SLC30A10: variants seen among roughly 807,000 people sequenced by gnomAD.
SLC30A10 encodes the protein calcium/manganese antiporter SLC30A10.
Under a neutral mutation model 21.7 loss-of-function variants are expected in SLC30A10, and 8 were observed. The ratio of observed to expected loss-of-function variants is 0.37; its 90% confidence interval spans 0.22 to 0.67. The LOEUF (loss-of-function observed/expected upper bound fraction) is 0.67. SLC30A10 is among the 30% of genes least tolerant of loss of function. The probability of loss-of-function intolerance (pLI) is 0.58; values close to 1 mark genes in which losing one functional copy is unlikely to be tolerated. For missense variants in SLC30A10, 521 were observed against 642.5 expected, an observed-to-expected ratio of 0.81 and a Z score of 2.04; for synonymous variants, 272 against 279.4, an observed-to-expected ratio of 0.97 and a Z score of 0.26.
At chr1:219,943,158 G>A (rs764033308) in intron 1 of SLC30A10, among the ~76,000 whole-genome samples, 15 of 152,118 alleles carry the variant, frequency 9.9e-5, no homozygotes, top group Admixed American at 2.6e-4. Flanking sequence ...TGCAGATGTT[G>A]AGAATACCAG....
At chr1:219,939,077 C>T (rs1241938800) in intron 1 of SLC30A10, among the ~76,000 whole-genome samples, 4 of 152,116 alleles carry the variant, frequency 2.6e-5, no homozygotes, top group Non-Finnish European at 4.4e-5. Context: ...AAACAACAGG[C>T]AGACTAAGTT....
chr1:219,928,698 T>G, upstream of SLC30A10: 1 of 409,690 alleles, frequency 2.4e-6, no homozygotes, highest in Non-Finnish European at 4.3e-6. The surrounding 1 kb of genome is among the most constrained non-coding windows in gnomAD (Gnocchi z 6.3). Context: ...TTCCCCTCCC[T>G]CGCGGCCTGG....
chr1:219,933,605 AAGGT>A (rs961450922), upstream of SLC30A10, among the ~76,000 whole-genome samples: 33 of 152,316 alleles, frequency 2.2e-4, no homozygotes, highest in African/African-American at 7.9e-4. Context: ...TAAGTGGGAA[AAGGT>A]ATATAAATTG....
chr1:219,927,853 G>C lies in SLC30A10; in HGVS notation c.588C>G (p.Thr196=). Residue 196 remains threonine (T), a synonymous_variant, in exon 1 of 4, where the codon ACC becomes ACG. Coordinates refer to ENST00000366926, the MANE Select transcript of SLC30A10 (RefSeq NM_018713.3). The part of the protein sequence containing the change: ...GSDSAVTLRG[T]SVERKREKGA... ...CCTTCTCCCGCTTCCTTTCCACCGAGGTCCCCCGGAGGGTTACGGCCGAGT... is the reference window on the plus strand; with the variant it reads ...CCTTCTCCCGCTTCCTTTCCACCGACGTCCCCCGGAGGGTTACGGCCGAGT... 1 of 1,547,032 alleles carries C rather than the reference G, an allele frequency of 6.5e-7. No homozygotes were observed. Among genetic ancestry groups the C allele is most frequent in the African/African-American group, 1.4e-5 (1 of 71,084 alleles).
intron 2 of SLC30A10, among the ~76,000 whole-genome samples, chr1:219,921,174 GC>G (rs1333417324): frequency 1.3e-5 from 2 of 152,166 alleles, no homozygotes; most frequent in Non-Finnish European, 2.9e-5. Flanking sequence ...CAAGAATTTA[GC>G]TTTTAACTTT....
chr1:219,954,870 G>A lies in SLC30A10; in HGVS notation n.80+3698C>T, dbSNP rs149195883. ...GAGCAGAAGCCATCCTACTAGAAAA[G>A]TGAGCTGTACAAGGTCACCTTTAGG... On this transcript the variant is annotated intron_variant and non_coding_transcript_variant, in intron 1 of 8. Transcript: ENST00000484239. 2.6e-3 allele frequency among the ~76,000 whole-genome samples: 388 copies of A among 152,114 alleles called. 1 individual carries two copies. The highest frequency in any genetic ancestry group is 9.1e-3 in the African/African-American group (379 of 41,494).
chr1:219,911,149 G>GTTTTTTTTTTTTTT lies in SLC30A10; in HGVS notation c.*4286_*4299dup. 4.9e-4 allele frequency among the ~76,000 whole-genome samples: 24 copies of GTTTTTTTTTTTTTT among 49,408 alleles called. 1 individual carries two copies. Among genetic ancestry groups the GTTTTTTTTTTTTTT allele is most frequent in the African/African-American group, 1.1e-3 (19 of 17,168 alleles). The allele number at this position is 49,408 out of a possible 152,430, so 32.4% of individuals were successfully genotyped here. ...ATGTTTCTTCATTTTTTCTACATCA[G>GTTTTTTTTTTTTTT]TTTTTTTTTTTTTTTTTTTTTTTTT... On this transcript the variant is annotated 3_prime_UTR_variant, in exon 4 of 4. Transcript: ENST00000366926.
intron 2 of SLC30A10, among the ~76,000 whole-genome samples, chr1:219,924,130 A>C (rs1198441577): frequency 1.3e-5 from 2 of 152,248 alleles, no homozygotes; most frequent in Non-Finnish European, 2.9e-5. Flanking sequence ...GAAACAGTAA[A>C]GAAAGTGAAG....
At chr1:219,940,294 C>T (rs1660104577) in intron 1 of SLC30A10, among the ~76,000 whole-genome samples, 1 of 152,188 alleles carries the variant, frequency 6.6e-6, no homozygotes, top group African/African-American at 2.4e-5. Context: ...ACATTGAGAC[C>T]TTCCAGCCCG....
chr1:219,939,519 C>A (rs578195705), intron 1 of SLC30A10, among the ~76,000 whole-genome samples: 2 of 152,182 alleles, frequency 1.3e-5, no homozygotes, highest in African/African-American at 2.4e-5. Context: ...ACCTCCACCC[C>A]CCCAGGTTCA....
intron 2 of SLC30A10, among the ~76,000 whole-genome samples, chr1:219,923,576 T>C (rs1437974109): frequency 1.3e-5 from 2 of 152,240 alleles, no homozygotes; most frequent in African/African-American, 4.8e-5. Context: ...GATGTCAAGA[T>C]GGCTATTCAT....
rs1659607007 is a variant in SLC30A10, at chr1:219,918,706, G to C, written c.719-212C>G. ...ACCATCGCAGGACTCAGAGTACCTTGGAAGAGCAACAGCCTAGGAAGATTC... is the reference window on the plus strand; with the variant it reads ...ACCATCGCAGGACTCAGAGTACCTTCGAAGAGCAACAGCCTAGGAAGATTC... On this transcript the variant is annotated intron_variant, in intron 2 of 3. Transcript: ENST00000366926. This position sits in a 1 kb window ranked among gnomAD's most constrained non-coding sequence, Gnocchi z 4.4. 2 of 494,626 alleles carry C rather than the reference G, an allele frequency of 4.0e-6. No homozygotes were observed. Among genetic ancestry groups the C allele is most frequent in the Admixed American group, 7.8e-5 (2 of 25,644 alleles). 30.6% of individuals were successfully genotyped at this position (494,626 alleles called of 1,614,324 possible). A position where few individuals can be genotyped will look rare whatever the true frequency, so the allele number is the denominator to read the frequency against.
At chr1:219,926,925 T>G (rs921868098) in intron 2 of SLC30A10, 103 bp downstream of exon 2, 5 of 902,848 alleles carry the variant, frequency 5.5e-6, no homozygotes, top group Non-Finnish European at 7.1e-6. Flanking sequence ...ACTGGCCTAC[T>G]TTCAAACACA....
intron 2 of SLC30A10, among the ~76,000 whole-genome samples, chr1:219,922,187 T>G (rs1237793239): frequency 0.071 from 827 of 11,572 alleles, 45 homozygotes; most frequent in East Asian, 0.13. Context: ...TTTTTTTTTT[T>G]TTTTTTTTTT....
chr1:219,925,587 C>A (rs138775009), intron 2 of SLC30A10, among the ~76,000 whole-genome samples: 2 of 144,190 alleles, frequency 1.4e-5, no homozygotes, highest in Admixed American at 1.4e-4. Context: ...AAAGTTAAAG[C>A]CTCTGATGGT....
intron 3 of SLC30A10, among the ~76,000 whole-genome samples, chr1:219,917,766 A>C (rs1233962954): frequency 7.7e-6 from 1 of 129,910 alleles, no homozygotes; most frequent in Non-Finnish European, 1.5e-5. Context: ...CCTGGAGTGC[A>C]GTGGTGCAAT....
At chr1:219,952,219 G>A (rs1047787925) in intron 1 of SLC30A10, among the ~76,000 whole-genome samples, 5 of 152,098 alleles carry the variant, frequency 3.3e-5, no homozygotes, top group African/African-American at 1.2e-4. Context: ...TTTATTGAGT[G>A]TTCAGTGTAT....
rs766560883 is a variant in SLC30A10 at position 219,911,157 on chromosome 1, T to TTTGTTTTTTTG, written c.*4291_*4292insCAAAAAAACAA. Reference sequence around the variant, plus strand: ...TCATTTTTTCTACATCAGTTTTTTTTTTTTTTTTTTTTTTTTTGCAGTCTT... The same window carrying TTTGTTTTTTTG: ...TCATTTTTTCTACATCAGTTTTTTTTTTGTTTTTTTGTTTTTTTTTTTTTTTTTGCAGTCTT... On this transcript the variant is annotated 3_prime_UTR_variant, in exon 4 of 4. Coordinates refer to ENST00000366926, the MANE Select transcript of SLC30A10 (RefSeq NM_018713.3). 2.8e-5 allele frequency among the ~76,000 whole-genome samples: 3 copies of TTTGTTTTTTTG among 107,488 alleles called. No homozygotes were observed. The highest frequency in any genetic ancestry group is 4.6e-5 in the African/African-American group (1 of 21,920). 70.5% of individuals were successfully genotyped at this position (107,488 alleles called of 152,430 possible). A position where few individuals can be genotyped will look rare whatever the true frequency, so the allele number is the denominator to read the frequency against.
intron 1 of SLC30A10, among the ~76,000 whole-genome samples, chr1:219,948,631 A>T (rs1312425248): frequency 6.6e-6 from 1 of 152,186 alleles, no homozygotes; most frequent in Non-Finnish European, 1.5e-5. Context: ...TTAAAGACTT[A>T]AACGTTAGAC....
Sources: gnomAD v4.1 joint callset for allele counts (sites outside exome capture counted in the v4.1 genomes callset) on GRCh38, gnomAD v4.1.1 for gene constraint, Gnocchi (gnomAD v3.1) non-coding constraint, MANE v1.5 for transcripts, NCBI Gene and HGNC (gene_info 2026-07-23, HGNC 2026-07-21) for gene names.